Variants in AGBL4 observed in about 807,000 individuals in gnomAD.
The protein encoded by AGBL4 is AGBL carboxypeptidase 4, also known as cytosolic carboxypeptidase 6.
Under a neutral mutation model 66.4 loss-of-function variants are expected in AGBL4, and 58 were observed. That is an observed-to-expected ratio of 0.87 (90% CI 0.71 to 1.09). The LOEUF is 1.09. Among genes scored for constraint, AGBL4 ranks in the 50% least tolerant of loss-of-function variants. AGBL4 has a pLI of 0.00. For synonymous variants in AGBL4, 234 were observed against 222.9 expected (o/e 1.05, Z -0.44); for missense variants, 579 against 631.0 (o/e 0.92, Z 0.88).
At chr1:49,780,547 G>A (rs1339082328) in intron 2 of AGBL4, among the ~76,000 whole-genome samples, 1 of 151,802 alleles carries the variant, frequency 6.6e-6, no homozygotes, top group Non-Finnish European at 1.5e-5. Flanking sequence ...TGAATTGTTG[G>A]GTTTGTAATG....
chr1:48,804,208 C>T (rs1281227192), intron 6 of AGBL4, among the ~76,000 whole-genome samples: 1 of 152,146 alleles, frequency 6.6e-6, no homozygotes, highest in Admixed American at 6.5e-5. Flanking sequence ...AATTTTCCTG[C>T]CTGGTTTATC....
chr1:48,821,394 C>T (rs563829558), intron 6 of AGBL4, among the ~76,000 whole-genome samples: 159 of 152,188 alleles, frequency 1.0e-3, no homozygotes, highest in African/African-American at 3.4e-3. Flanking sequence ...ATATATACAC[C>T]ATGAAATACT....
At chr1:50,020,617 A>C (rs1365506972) in intron 1 of AGBL4, among the ~76,000 whole-genome samples, 2 of 152,230 alleles carry the variant, frequency 1.3e-5, no homozygotes, top group Non-Finnish European at 2.9e-5. Flanking sequence ...ATGTTGTAAT[A>C]CAAACACAAA....
chr1:49,476,274 C>T (rs969823057), intron 3 of AGBL4, among the ~76,000 whole-genome samples: 7 of 151,836 alleles, frequency 4.6e-5, no homozygotes, highest in Non-Finnish European at 1.0e-4. Flanking sequence ...CCATTGTATG[C>T]TTAGTATAAT....
intron 3 of AGBL4, among the ~76,000 whole-genome samples, chr1:49,350,805 C>A (rs975399193): frequency 1.3e-5 from 2 of 151,922 alleles, no homozygotes; most frequent in Non-Finnish European, 2.9e-5. Flanking sequence ...CATTCTTATA[C>A]CTTTGTGTTC....
At chr1:48,789,420 C>G (rs1645488628) in intron 6 of AGBL4, among the ~76,000 whole-genome samples, 1 of 152,060 alleles carries the variant, frequency 6.6e-6, no homozygotes, top group Non-Finnish European at 1.5e-5. Context: ...TCCCGAGTAA[C>G]TGGGACTACA....
At chr1:48,832,555 G>A (rs1432437477) in intron 6 of AGBL4, among the ~76,000 whole-genome samples, 4 of 152,188 alleles carry the variant, frequency 2.6e-5, no homozygotes, top group Non-Finnish European at 5.9e-5. Flanking sequence ...CTGGCACAAA[G>A]AGGACCTCAA....
intron 2 of AGBL4, chr1:49,846,067 C>T (rs949723123): frequency 1.3e-5 from 21 of 1,580,574 alleles, no homozygotes; most frequent in Admixed American, 1.2e-4. Context: ...AGAGGATCCA[C>T]ACAGGAGAGA....
intron 5 of AGBL4, among the ~76,000 whole-genome samples, chr1:48,868,565 A>G (rs1648339481): frequency 6.6e-6 from 1 of 152,216 alleles, no homozygotes; most frequent in Admixed American, 6.5e-5. Flanking sequence ...ATGGCAATGA[A>G]TATAAATAAT....
At chr1:49,265,661 A>C (rs1158398753) in intron 3 of AGBL4, among the ~76,000 whole-genome samples, 1 of 152,170 alleles carries the variant, frequency 6.6e-6, no homozygotes, top group African/African-American at 2.4e-5. Context: ...CTTAGAATTA[A>C]ATATAATTGC....
rs1646884936 is a variant in AGBL4 at position 49,478,280 on chromosome 1, C to T, written c.282+219033G>A. Among the ~76,000 whole-genome samples the T allele has an allele frequency of 2.7e-5, 4 of 150,710 alleles. No individual in the cohort carries two copies. The South Asian group carries it at 8.5e-4, about 32-fold the overall frequency. Reference sequence around the variant, plus strand: ...TCAAGACATTTAATAGCCAAACTCCCAAAGGTCAAGGATAAAAAAAGGACT... The same window carrying T: ...TCAAGACATTTAATAGCCAAACTCCTAAAGGTCAAGGATAAAAAAAGGACT... On this transcript the variant is annotated intron_variant, in intron 3 of 13. Coordinates refer to ENST00000371839, the MANE Select transcript of AGBL4 (RefSeq NM_032785.4).
intron 6 of AGBL4, among the ~76,000 whole-genome samples, chr1:48,724,151 C>T (rs143983920): frequency 6.6e-6 from 1 of 152,168 alleles, no homozygotes; most frequent in Non-Finnish European, 1.5e-5. Flanking sequence ...GGAGAGGAAG[C>T]CCAACATTAA....
chr1:48,684,228 G>A (rs750839688), intron 6 of AGBL4, among the ~76,000 whole-genome samples: 5 of 152,344 alleles, frequency 3.3e-5, no homozygotes, highest in Non-Finnish European at 5.9e-5. Context: ...GAAGTCAAAC[G>A]GATTGGCTCC....
chr1:49,760,563 A>C (rs1652228643), intron 2 of AGBL4, among the ~76,000 whole-genome samples: 1 of 152,208 alleles, frequency 6.6e-6, no homozygotes, highest in African/African-American at 2.4e-5. Context: ...ACACTCTTAC[A>C]TTGTTGGTGG....
intron 3 of AGBL4, among the ~76,000 whole-genome samples, chr1:49,582,053 A>G (rs1276290445): frequency 6.6e-6 from 1 of 152,176 alleles, no homozygotes; most frequent in Non-Finnish European, 1.5e-5. Context: ...ATGAGGTAGC[A>G]GCAGGGTGTT....
chr1:49,448,927 A>C, intron 3 of AGBL4, among the ~76,000 whole-genome samples: 1 of 151,066 alleles, frequency 6.6e-6, no homozygotes, highest in South Asian at 2.1e-4. Context: ...ATACTATTTA[A>C]GACTGAAGTA....
chr1:49,550,828 T>C (rs1453216517), intron 3 of AGBL4, among the ~76,000 whole-genome samples: 1 of 152,202 alleles, frequency 6.6e-6, no homozygotes, highest in Non-Finnish European at 1.5e-5. Flanking sequence ...TTCATGCTTC[T>C]TGTATTTGGA....
rs557437073 is a variant in AGBL4 at position 49,298,428 on chromosome 1, A to G, written c.283-52564T>C. Among the ~76,000 whole-genome samples the G allele has an allele frequency of 4.6e-5, 7 of 152,348 alleles. No homozygotes were observed. The South Asian group carries it at 1.2e-3, about 27-fold the overall frequency. On this transcript the variant is annotated intron_variant, in intron 3 of 13. Coordinates refer to ENST00000371839, the MANE Select transcript of AGBL4 (RefSeq NM_032785.4). ...TCATCTCTGCTGGATTCTACGCCCC[A>G]GTCAAATTGGCAACATTCCTTCTAT...
chr1:48,784,254 A>G (rs561271037), intron 6 of AGBL4, among the ~76,000 whole-genome samples: 24 of 152,284 alleles, frequency 1.6e-4, no homozygotes, highest in Admixed American at 1.4e-3. Flanking sequence ...TTACTGTTAA[A>G]ATAATTATTA....
Sources: gnomAD v4.1 joint callset for allele counts (sites outside exome capture counted in the v4.1 genomes callset) on GRCh38, gnomAD v4.1.1 for gene constraint, MANE v1.5 for transcripts, NCBI Gene and HGNC (gene_info 2026-07-23, HGNC 2026-07-21) for gene names.